The following ZGPAT variants were observed in gnomAD, a reference collection of about 807,000 sequenced individuals.
ZGPAT encodes the protein zinc finger CCCH-type and G-patch domain containing.
ZGPAT carries 39 observed loss-of-function variants against 47.9 expected under a neutral mutation model. That is an observed-to-expected ratio of 0.81 (90% CI 0.63 to 1.06). The LOEUF is 1.06. ZGPAT is among the 50% of genes least tolerant of loss of function. The pLI is 0.00. For missense variants in ZGPAT, 717 were observed against 681.4 expected (o/e 1.05, Z -0.58); for synonymous variants, 348 against 292.9 (o/e 1.19, Z -1.92).
chr20:63,732,066 G>A (rs2091910327), intron 2 of ZGPAT, among the ~76,000 whole-genome samples: 1 of 152,038 alleles, frequency 6.6e-6, no homozygotes, highest in African/African-American at 2.4e-5. Context: ...ATATGCATGT[G>A]TGTATATGCA....
chr20:63,711,575 T>A lies in ZGPAT; in HGVS notation c.584+2411T>A, dbSNP rs1307443794. Among the ~76,000 whole-genome samples the A allele has an allele frequency of 1.3e-5, 2 of 152,124 alleles. 1 individual carries two copies. Among genetic ancestry groups the A allele is most frequent in the South Asian group, 4.2e-4 (2 of 4,812 alleles). The stretch of plus-strand genomic sequence containing the variant: ...CCACCTTGCCACCATTCAGGACTGA[T>A]AAGTTCTCTTGGATTTGCGTTGGAC... On this transcript the variant is annotated intron_variant, in intron 2 of 6. Transcript: ENST00000355969.
chr20:63,709,603 C>T (rs929160054), intron 2 of ZGPAT, among the ~76,000 whole-genome samples: 1 of 151,934 alleles, frequency 6.6e-6, no homozygotes, highest in East Asian at 2.0e-4. Flanking sequence ...AGCCACTGTA[C>T]TGCAGCCCGA....
At chr20:63,732,502 G>A (rs1390944517) in intron 2 of ZGPAT, among the ~76,000 whole-genome samples, 1 of 141,062 alleles carries the variant, frequency 7.1e-6, no homozygotes, top group Admixed American at 7.1e-5. Context: ...TGTGGGTGAG[G>A]GCACGTGTGC....
intron 2 of ZGPAT, among the ~76,000 whole-genome samples, chr20:63,711,922 G>A (rs1426052967): frequency 2.0e-5 from 3 of 152,172 alleles, no homozygotes; most frequent in African/African-American, 7.2e-5. Flanking sequence ...CATCCCTTAT[G>A]AAGTATATAG....
intron 2 of ZGPAT, among the ~76,000 whole-genome samples, chr20:63,711,310 C>T (rs992396645): frequency 5.3e-5 from 8 of 152,198 alleles, no homozygotes; most frequent in African/African-American, 1.7e-4. Context: ...GGGCCAGGCA[C>T]TGCTCCAAGG....
chr20:63,732,186 CATGTGT>C (rs1480601583), intron 2 of ZGPAT, among the ~76,000 whole-genome samples: 1 of 145,566 alleles, frequency 6.9e-6, no homozygotes, highest in Non-Finnish European at 1.5e-5. Context: ...TATGTGTGTG[CATGTGT>C]GGGTGCGGGT....
intron 2 of ZGPAT, among the ~76,000 whole-genome samples, chr20:63,727,010 C>T (rs1371970155): frequency 6.6e-6 from 1 of 151,978 alleles, no homozygotes; most frequent in African/African-American, 2.4e-5. Context: ...TCATTGTCAC[C>T]CAAGGTCCAT....
At chr20:63,734,536 T>G in intron 4 of ZGPAT, 169 bp from the exon 5 acceptor site, 1 of 1,302,920 alleles carries the variant, frequency 7.7e-7, no homozygotes, top group South Asian at 1.5e-5. Context: ...GCCCAAGAGG[T>G]GGGGTGTCGT....
chr20:63,734,208 G>A (rs1045472998), intron 4 of ZGPAT: 7 of 255,704 alleles, frequency 2.7e-5, no homozygotes, highest in African/African-American at 4.5e-5. Flanking sequence ...GTGTGTATGC[G>A]TGTGCGTGTG....
At chr20:63,709,495 G>A (rs1035381969) in intron 2 of ZGPAT, among the ~76,000 whole-genome samples, 4 of 152,110 alleles carry the variant, frequency 2.6e-5, no homozygotes, top group Admixed American at 6.5e-5. Flanking sequence ...AAATGAACCG[G>A]TCGTGGTGGC....
intron 2 of ZGPAT, among the ~76,000 whole-genome samples, chr20:63,722,874 G>A (rs539862414): frequency 9.9e-5 from 15 of 152,184 alleles, no homozygotes; most frequent in African/African-American, 2.2e-4. Flanking sequence ...CAGGTGATCC[G>A]CCCATCTTGG....
intron 2 of ZGPAT, among the ~76,000 whole-genome samples, chr20:63,716,281 C>T (rs774359022): frequency 3.9e-5 from 6 of 152,068 alleles, no homozygotes; most frequent in African/African-American, 7.2e-5. Flanking sequence ...CCACCCGCCT[C>T]GGCCTCACAA....
chr20:63,735,070 G>A (rs1351482457), intron 5 of ZGPAT, 89 bp from the exon 6 acceptor site: 5 of 1,431,834 alleles, frequency 3.5e-6, no homozygotes, highest in Non-Finnish European at 4.6e-6. Flanking sequence ...AGATTCCCGG[G>A]GTCCCGTGGC....
At chr20:63,714,083 TCTTG>T (rs1360833621) in intron 2 of ZGPAT, among the ~76,000 whole-genome samples, 1 of 152,096 alleles carries the variant, frequency 6.6e-6, no homozygotes, top group Non-Finnish European at 1.5e-5. Flanking sequence ...TATTTCTTTT[TCTTG>T]CTTAACTGCC....
chr20:63,718,492 C>G (rs2091755086), intron 2 of ZGPAT, among the ~76,000 whole-genome samples: 1 of 152,034 alleles, frequency 6.6e-6, no homozygotes, highest in African/African-American at 2.4e-5. Flanking sequence ...ACCACCACAC[C>G]TGGCTAATTT....
At chr20:63,723,506 T>C (rs367683769) in intron 2 of ZGPAT, among the ~76,000 whole-genome samples, 1 of 106,224 alleles carries the variant, frequency 9.4e-6, no homozygotes, top group Non-Finnish European at 2.0e-5. Flanking sequence ...TCCTCTGACA[T>C]AGCTCCATCC....
chr20:63,725,404 T>G (rs2091834850), intron 2 of ZGPAT, among the ~76,000 whole-genome samples: 1 of 152,252 alleles, frequency 6.6e-6, no homozygotes, highest in Non-Finnish European at 1.5e-5. Flanking sequence ...AATTGATCAT[T>G]CTTTTCAGTG....
At chr20:63,725,814 T>TATTC (rs1397258289) in intron 2 of ZGPAT, among the ~76,000 whole-genome samples, 2 of 150,862 alleles carry the variant, frequency 1.3e-5, no homozygotes, top group East Asian at 3.9e-4. Flanking sequence ...CAAACTGGAT[T>TATTC]ATTTATTTAT....
intron 2 of ZGPAT, among the ~76,000 whole-genome samples, chr20:63,709,857 T>C (rs1044346594): frequency 2.0e-5 from 3 of 151,914 alleles, no homozygotes; most frequent in Non-Finnish European, 4.4e-5. Flanking sequence ...TTTATATTAC[T>C]ATAATTTTTT....
Sources: gnomAD v4.1 joint callset for allele counts (sites outside exome capture counted in the v4.1 genomes callset) on GRCh38, gnomAD v4.1.1 for gene constraint, MANE v1.5 for transcripts, NCBI Gene and HGNC (gene_info 2026-07-23, HGNC 2026-07-21) for gene names.